BARD1: variants seen among roughly 807,000 people sequenced by gnomAD.
The protein encoded by BARD1 is BRCA1-associated RING domain protein 1.
Under a neutral mutation model 77.0 loss-of-function variants are expected in BARD1, and 73 were observed. The observed-to-expected ratio is 0.95, with a 90% CI of 0.79 to 1.15. The LOEUF (loss-of-function observed/expected upper bound fraction) is 1.15. Among genes scored for constraint, BARD1 ranks in the 50% most tolerant of loss-of-function variants. The pLI is 0.00. For synonymous variants in BARD1, 384 were observed against 338.0 expected, an observed-to-expected ratio of 1.14 and a Z score of -1.49; for missense variants, 993 against 938.8, an observed-to-expected ratio of 1.06 and a Z score of -0.75.
chr2:214,769,648 GGA>G (rs1694385142), intron 4 of BARD1, among the ~76,000 whole-genome samples: 1 of 152,168 alleles, frequency 6.6e-6, no homozygotes, highest in African/African-American at 2.4e-5. Flanking sequence ...GGCTGAGGCA[GGA>G]GAATCACTTG....
Position 214,727,137 on chromosome 2 carries a change from T to C in BARD1, c.*1539A>G, listed in dbSNP as rs978962042. On this transcript the variant is annotated 3_prime_UTR_variant, in exon 11 of 11. Transcript: ENST00000260947. Reference sequence around the variant, plus strand: ...AATGCATTACTGGTTGTAGAGAGTGTTTCAGAGCTAATTCACCCAGCAAGG... The same window carrying C: ...AATGCATTACTGGTTGTAGAGAGTGCTTCAGAGCTAATTCACCCAGCAAGG... 1 of 217,448 alleles carries C rather than the reference T, an allele frequency of 4.6e-6. No individual in the cohort carries two copies. The highest frequency in any genetic ancestry group is 9.2e-6 in the Non-Finnish European group (1 of 108,160). 13.5% of individuals were successfully genotyped at this position (217,448 alleles called of 1,614,324 possible).
chr2:214,781,912 T>C (rs1695057194), intron 3 of BARD1, among the ~76,000 whole-genome samples: 2 of 152,164 alleles, frequency 1.3e-5, no homozygotes, highest in African/African-American at 4.8e-5. Flanking sequence ...AAGATGCCAA[T>C]TGTTCCAAAC....
chr2:214,761,120 T>C (rs186318774), intron 6 of BARD1, among the ~76,000 whole-genome samples: 2 of 151,964 alleles, frequency 1.3e-5, no homozygotes, highest in Admixed American at 1.3e-4. Flanking sequence ...TTATTATGAA[T>C]ACACTGGTCT....
chr2:214,769,269 T>A lies in BARD1; in HGVS notation c.1358A>T (p.Asp453Val), dbSNP rs1694361138. 6.2e-7 allele frequency: 1 copy of A among 1,613,858 alleles called. No homozygotes were observed. The highest frequency in any genetic ancestry group is 8.5e-7 in the Non-Finnish European group (1 of 1,179,768). Residue 453 changes from aspartate (D) to valine (V), a missense_variant, in exon 5 of 11, where the codon GAT (aspartate) becomes GTT (valine). Asp to Val is a radical substitution (Grantham distance 152). Transcript: ENST00000260947. ...TCCAGCATGGTCTTTAACATTTGGA[T>A]CACTTCCATTTTGTAAAAGGTATTC... ...SVEYLLQNGSDPNVKDHAGWT... is the reference protein window; with the variant it reads ...SVEYLLQNGSVPNVKDHAGWT...
At chr2:214,778,905 A>T (rs1407763414) in intron 4 of BARD1, among the ~76,000 whole-genome samples, 1 of 152,198 alleles carries the variant, frequency 6.6e-6, no homozygotes, top group South Asian at 2.1e-4. Context: ...TAGTCCAAAA[A>T]TTTCCCAGAA....
At chr2:214,778,656 C>T (rs1361928316) in intron 4 of BARD1, among the ~76,000 whole-genome samples, 3 of 152,058 alleles carry the variant, frequency 2.0e-5, no homozygotes, top group East Asian at 1.9e-4. Context: ...CAATTTTGTA[C>T]GTAAGTTTTA....
chr2:214,753,376 G>A (rs1427452972), intron 6 of BARD1, among the ~76,000 whole-genome samples: 1 of 152,084 alleles, frequency 6.6e-6, no homozygotes, highest in Non-Finnish European at 1.5e-5. Context: ...TTCAGAATAT[G>A]ATTTAAATAC....
At chr2:214,763,533 G>C (rs528526000) in intron 6 of BARD1, among the ~76,000 whole-genome samples, 28 of 152,118 alleles carry the variant, frequency 1.8e-4, no homozygotes, top group Non-Finnish European at 3.5e-4. Context: ...GCTAAAGGAG[G>C]CCACTTAGAA....
At chr2:214,788,477 T>C (rs913322433) in intron 3 of BARD1, among the ~76,000 whole-genome samples, 2 of 152,110 alleles carry the variant, frequency 1.3e-5, no homozygotes, top group Non-Finnish European at 2.9e-5. Flanking sequence ...TTATCTCCAG[T>C]ATACCATACA....
intron 6 of BARD1, among the ~76,000 whole-genome samples, chr2:214,765,742 G>C (rs1021664632): frequency 1.3e-5 from 2 of 151,674 alleles, no homozygotes; most frequent in African/African-American, 4.8e-5. Context: ...ACACAAACAC[G>C]CACGTGTGTA....
At chr2:214,759,460 A>G (rs1247499011) in intron 6 of BARD1, among the ~76,000 whole-genome samples, 3 of 152,160 alleles carry the variant, frequency 2.0e-5, no homozygotes, top group Non-Finnish European at 4.4e-5. Context: ...CAGACAACAA[A>G]GATTATAAAT....
intron 4 of BARD1, among the ~76,000 whole-genome samples, chr2:214,770,475 A>C (rs927302930): frequency 5.9e-5 from 9 of 152,244 alleles, no homozygotes; most frequent in African/African-American, 1.4e-4. Context: ...TAGAAATCAC[A>C]ACCTCTTTTT....
At chr2:214,762,488 A>C (rs1442811497) in intron 6 of BARD1, among the ~76,000 whole-genome samples, 1 of 152,198 alleles carries the variant, frequency 6.6e-6, no homozygotes, top group Non-Finnish European at 1.5e-5. Flanking sequence ...GAATGCTTAA[A>C]CAAATGGAGA....
chr2:214,776,418 G>A (rs1694740159), intron 4 of BARD1, among the ~76,000 whole-genome samples: 1 of 152,134 alleles, frequency 6.6e-6, no homozygotes, highest in Admixed American at 6.6e-5. Context: ...TACGCACAAA[G>A]CTTTCTCATA....
chr2:214,771,650 C>A (rs1029789007), intron 4 of BARD1, among the ~76,000 whole-genome samples: 3 of 151,830 alleles, frequency 2.0e-5, no homozygotes, highest in Non-Finnish European at 4.4e-5. Context: ...ACTGCTTGAA[C>A]CCAGGAGGCG....
rs1482834163 is a variant in BARD1, at chr2:214,747,407, G to A, written c.1678-1553C>T. On this transcript the variant is annotated intron_variant, in intron 7 of 10. Transcript: ENST00000260947. ...TGCTGCTATAAAGACACATGCACAC[G>A]TATGTTTACTGCGGCACTATTCACA... Among the ~76,000 whole-genome samples, 258 of 138,492 alleles carry A rather than the reference G, an allele frequency of 1.9e-3. 1 individual carries two copies. The highest frequency in any genetic ancestry group is 6.5e-3 in the African/African-American group (235 of 36,290). The allele number at this position is 138,492 out of a possible 152,430, so 90.9% of individuals were successfully genotyped here.
intron 9 of BARD1, among the ~76,000 whole-genome samples, chr2:214,741,924 T>C (rs1692852353): frequency 8.4e-6 from 1 of 118,712 alleles, no homozygotes; most frequent in African/African-American, 2.9e-5. Flanking sequence ...CCAAATCTTT[T>C]GTATAATTCT....
At chr2:214,751,690 A>T (rs1693461389) in intron 7 of BARD1, among the ~76,000 whole-genome samples, 1 of 152,052 alleles carries the variant, frequency 6.6e-6, no homozygotes, top group Admixed American at 6.6e-5. Context: ...TATCTATTCG[A>T]TATCTCCATT....
rs76929582 is a variant in BARD1 at position 214,774,349 on chromosome 2, C to A, written c.1315-5037G>T. Among the ~76,000 whole-genome samples the A allele has an allele frequency of 5.3e-3, 805 of 152,256 alleles. 6 individuals carry two copies. The highest frequency in any genetic ancestry group is 0.018 in the African/African-American group (765 of 41,540). On this transcript the variant is annotated intron_variant, in intron 4 of 10. Coordinates refer to ENST00000260947, the MANE Select transcript of BARD1 (RefSeq NM_000465.4). ...GAATACCCATCTACAACAGCTATAGCCTTACAAAATGCTTAAGTAACAAGA... is the reference window on the plus strand; with the variant it reads ...GAATACCCATCTACAACAGCTATAGACTTACAAAATGCTTAAGTAACAAGA...
Sources: gnomAD v4.1 joint callset for allele counts (sites outside exome capture counted in the v4.1 genomes callset) on GRCh38, gnomAD v4.1.1 for gene constraint, MANE v1.5 for transcripts, NCBI Gene and HGNC (gene_info 2026-07-23, HGNC 2026-07-21) for gene names.